HPSE2: variants seen among roughly 807,000 people sequenced by gnomAD.
HPSE2 encodes the protein heparanase 2 (inactive), also known as inactive heparanase-2.
A neutral mutation model predicts 60.5 loss-of-function variants in HPSE2; 38 were observed. That is an observed-to-expected ratio of 0.63 (90% CI 0.48 to 0.82). The LOEUF (loss-of-function observed/expected upper bound fraction) is 0.82, where lower values mean the gene tolerates loss of function less well. Ranked by LOEUF, HPSE2 falls within the 40% of genes least tolerant of loss-of-function variation. The pLI, the probability that HPSE2 is intolerant of heterozygous loss-of-function variation, is 0.00. For synonymous variants in HPSE2, 295 were observed against 293.2 expected, an observed-to-expected ratio of 1.01 and a Z score of -0.06; for missense variants, 713 against 740.4, an observed-to-expected ratio of 0.96 and a Z score of 0.43.
chr10:99,050,058 G>A (rs1957953897), intron 3 of HPSE2, among the ~76,000 whole-genome samples: 1 of 152,164 alleles, frequency 6.6e-6, no homozygotes, highest in Admixed American at 6.5e-5. Context: ...CAGCACTTTG[G>A]GAGGCCAAGG....
At chr10:99,203,335 T>C (rs1282039156) in intron 2 of HPSE2, among the ~76,000 whole-genome samples, 3 of 151,864 alleles carry the variant, frequency 2.0e-5, no homozygotes, top group Non-Finnish European at 4.4e-5. Flanking sequence ...ACCCAGTCTG[T>C]ACGCAGGCTC....
chr10:98,736,213 G>GTT (rs71938270), intron 4 of HPSE2, among the ~76,000 whole-genome samples: 94,233 of 149,260 alleles, frequency 0.63, 31,248 homozygotes, highest in Non-Finnish European at 0.75. Flanking sequence ...CTTTTGCTTG[G>GTT]TTTTTTTTTT....
At chr10:99,153,192 C>T (rs1183104062) in intron 2 of HPSE2, among the ~76,000 whole-genome samples, 2 of 152,192 alleles carry the variant, frequency 1.3e-5, no homozygotes, top group Non-Finnish European at 2.9e-5. Context: ...CCCGCCATTG[C>T]CCAGGCTTGC....
chr10:98,607,573 G>A (rs1233502589), intron 9 of HPSE2, among the ~76,000 whole-genome samples: 3 of 152,170 alleles, frequency 2.0e-5, no homozygotes, highest in African/African-American at 7.2e-5. Context: ...ATCTTCTCCG[G>A]AGGGAAATAA....
chr10:98,502,205 T>C (rs1400062691), intron 9 of HPSE2, among the ~76,000 whole-genome samples: 2 of 152,040 alleles, frequency 1.3e-5, no homozygotes, highest in Non-Finnish European at 2.9e-5. Flanking sequence ...AATTCTAAAA[T>C]TCATATGGAA....
intron 3 of HPSE2, chr10:99,047,540 AT>A: frequency 2.0e-6 from 1 of 506,330 alleles, no homozygotes; most frequent in Non-Finnish European, 3.5e-6. Context: ...AACCTACACG[AT>A]AGGAGAAAAT....
intron 9 of HPSE2, among the ~76,000 whole-genome samples, chr10:98,533,503 GT>G (rs1379100125): frequency 6.6e-6 from 1 of 152,222 alleles, no homozygotes; most frequent in Non-Finnish European, 1.5e-5. Context: ...TTAAACATAT[GT>G]TTTTTATATT....
At chr10:99,117,517 G>A (rs1479364003) in intron 3 of HPSE2, among the ~76,000 whole-genome samples, 2 of 135,910 alleles carry the variant, frequency 1.5e-5, no homozygotes, top group Non-Finnish European at 3.1e-5. Flanking sequence ...AACATCGTCA[G>A]AAACAACAAA....
chr10:98,903,382 T>C (rs917140226), intron 3 of HPSE2, among the ~76,000 whole-genome samples: 1 of 152,032 alleles, frequency 6.6e-6, no homozygotes, highest in Non-Finnish European at 1.5e-5. Context: ...TTAAAAGACA[T>C]TGAATTGTAC....
chr10:99,076,786 A>G (rs906786245), intron 3 of HPSE2, among the ~76,000 whole-genome samples: 2 of 152,262 alleles, frequency 1.3e-5, no homozygotes, highest in African/African-American at 4.8e-5. Context: ...TTATCTATAT[A>G]TTTACCTTTA....
chr10:99,305,979 G>GCACGCACACACACA, the HPSE2 span, among the ~76,000 whole-genome samples: 139 of 80,582 alleles, frequency 1.7e-3, 3 homozygotes, highest in African/African-American at 6.8e-3. Flanking sequence ...GCGCGCGCGC[G>GCACGCACACACACA]CACACACACA....
At chr10:98,624,185 CAAAT>C (rs35075714) in intron 7 of HPSE2, among the ~76,000 whole-genome samples, 34,048 of 151,860 alleles carry the variant, frequency 0.22, 4,040 homozygotes, top group Admixed American at 0.31. Context: ...AACAAGTAAA[CAAAT>C]AAAAGAAATT....
intron 2 of HPSE2, among the ~76,000 whole-genome samples, chr10:99,211,639 G>A (rs1442236930): frequency 1.3e-5 from 2 of 152,156 alleles, no homozygotes; most frequent in Non-Finnish European, 2.9e-5. Flanking sequence ...AAATGGTGTT[G>A]AGAAACTGGA....
intron 3 of HPSE2, among the ~76,000 whole-genome samples, chr10:98,998,592 G>T (rs1240063613): frequency 6.6e-6 from 1 of 152,288 alleles, no homozygotes; most frequent in East Asian, 1.9e-4. Flanking sequence ...CTGGATGCTA[G>T]ACCTCAAATC....
At chr10:98,490,851 C>G (rs796720106) in intron 9 of HPSE2, among the ~76,000 whole-genome samples, 75 of 152,314 alleles carry the variant, frequency 4.9e-4, no homozygotes, top group African/African-American at 1.6e-3. Context: ...TTTAATCATT[C>G]CATGTGTAAT....
chr10:98,954,688 T>C (rs982505777), intron 3 of HPSE2, among the ~76,000 whole-genome samples: 3 of 152,136 alleles, frequency 2.0e-5, no homozygotes, highest in African/African-American at 4.8e-5. Flanking sequence ...CCTTACCCCA[T>C]TGATCACTTT....
intron 3 of HPSE2, among the ~76,000 whole-genome samples, chr10:98,860,003 T>C (rs1325542149): frequency 2.0e-5 from 3 of 152,208 alleles, no homozygotes; most frequent in African/African-American, 7.2e-5. Flanking sequence ...TTACTGTACC[T>C]AATTTATAAA....
chr10:98,724,018 GTT>G, intron 4 of HPSE2, among the ~76,000 whole-genome samples: 1 of 152,124 alleles, frequency 6.6e-6, no homozygotes, highest in African/African-American at 2.4e-5. Flanking sequence ...TTTTGAATGT[GTT>G]TGCTCTTGCT....
chr10:98,554,682 C>T (rs1272028787), intron 9 of HPSE2, among the ~76,000 whole-genome samples: 3 of 152,024 alleles, frequency 2.0e-5, no homozygotes, highest in Non-Finnish European at 4.4e-5. Context: ...AAGATGAACA[C>T]CTAGAAACCC....
Sources: gnomAD v4.1 joint callset for allele counts (sites outside exome capture counted in the v4.1 genomes callset) on GRCh38, gnomAD v4.1.1 for gene constraint, MANE v1.5 for transcripts, NCBI Gene and HGNC (gene_info 2026-07-23, HGNC 2026-07-21) for gene names.